The following PSD4 variants were observed in gnomAD, a reference collection of about 807,000 sequenced individuals.
PSD4 encodes PH and SEC7 domain-containing protein 4.
A neutral mutation model predicts 112.5 loss-of-function variants in PSD4; 59 were observed. The ratio of observed to expected loss-of-function variants is 0.52; its 90% CI spans 0.43 to 0.65. The LOEUF is 0.65. Ranked by LOEUF, PSD4 falls within the 30% of genes least tolerant of loss-of-function variation. The pLI, the probability that PSD4 is intolerant of heterozygous loss-of-function variation, is 0.00. For missense variants in PSD4, 1,267 were observed against 1,352.6 expected (o/e 0.94, Z 0.99); for synonymous variants, 533 against 540.0 (o/e 0.99, Z 0.18).
chr2:113,196,080 A>T, intron 11 of PSD4, 67 bp from the exon 12 acceptor site: 11 of 1,547,954 alleles, frequency 7.1e-6, no homozygotes, highest in East Asian at 2.3e-5. Context: ...AGGCTCTGGG[A>T]GGCAATGGAT....
chr2:113,192,680 C>T, intron 6 of PSD4, 91 bp downstream of exon 6: 1 of 1,316,822 alleles, frequency 7.6e-7, no homozygotes, highest in Middle Eastern at 2.1e-4. Flanking sequence ...CCCTCCCCTT[C>T]CCGTCCCTGC....
chr2:113,198,890 G>A lies in PSD4; in HGVS notation c.2769+6G>A, dbSNP rs767931687. On this transcript the variant is annotated splice_donor_region_variant and intron_variant, in intron 15 of 16. Coordinates refer to ENST00000245796, the MANE Select transcript of PSD4 (RefSeq NM_012455.3). The stretch of plus-strand genomic sequence containing the variant: ...GCCCCGCCCAGAGCTCCCTGGTACG[G>A]CCTCCGGGAAGGGGTGGGGTCCGGC... 12 of 1,576,900 alleles carry A rather than the reference G, an allele frequency of 7.6e-6. No individual in the cohort carries two copies. In the South Asian group the frequency reaches 1.2e-4, roughly 16 times the overall value.
At chr2:113,184,184 T>C (rs952519874) in intron 2 of PSD4, among the ~76,000 whole-genome samples, 15 of 152,112 alleles carry the variant, frequency 9.9e-5, no homozygotes, top group African/African-American at 3.1e-4. Context: ...TGGCTGTAAT[T>C]TTCTAATATC....
chr2:113,193,208 T>C, intron 7 of PSD4, 50 bp from the exon 8 acceptor site: 3 of 1,598,130 alleles, frequency 1.9e-6, no homozygotes, highest in Non-Finnish European at 1.7e-6. Flanking sequence ...TGGGATCTGA[T>C]TGGCCCTAAG....
intron 5 of PSD4, among the ~76,000 whole-genome samples, chr2:113,189,783 C>T (rs1688400405): frequency 6.6e-6 from 1 of 152,100 alleles, no homozygotes; most frequent in African/African-American, 2.4e-5. Flanking sequence ...AGCATTTTTT[C>T]ATATATTTGT....
chr2:113,202,649 A>G lies in PSD4; in HGVS notation c.*1234A>G, dbSNP rs1476790521. Reference sequence around the variant, plus strand: ...GGAGGCTGGGCCGGAGGGACCAGCCACCATTGTCTCTGTTCAGCCAAGTGT... The same window carrying G: ...GGAGGCTGGGCCGGAGGGACCAGCCGCCATTGTCTCTGTTCAGCCAAGTGT... On this transcript the variant is annotated 3_prime_UTR_variant, in exon 17 of 17. Transcript: ENST00000245796. 6.6e-6 allele frequency: 1 copy of G among 152,296 alleles called. No individual in the cohort carries two copies. Among genetic ancestry groups the G allele is most frequent in the Non-Finnish European group, 1.5e-5 (1 of 68,104 alleles). The allele number at this position is 152,296 out of a possible 1,614,324, so 9.4% of individuals were successfully genotyped here.
chr2:113,180,314 G>A (rs949536482), intron 1 of PSD4, among the ~76,000 whole-genome samples: 2 of 152,220 alleles, frequency 1.3e-5, no homozygotes, highest in African/African-American at 4.8e-5. Context: ...CCACTCAGTT[G>A]TATGTGGCAG....
chr2:113,182,461 T>C lies in PSD4; in HGVS notation c.5T>C (p.Met2Thr). ...TGGGCAGCTTTTGCTCAGTGGATGA[T>C]GGGTGACTACAGACTCCCTGACCAC... The part of the protein sequence containing the change: M[M>T]GDYRLPDHPQ... Residue 2 changes from methionine to threonine, a missense_variant, in exon 2 of 17, where the codon ATG (methionine) becomes ACG (threonine). By Grantham distance (81) the Met-to-Thr change is moderately conservative (BLOSUM62 -1). This residue lies in a region of PSD4 where 723 missense variants were observed against 704.0 expected (regional missense o/e 1.03). Coordinates refer to ENST00000245796, the MANE Select transcript of PSD4 (RefSeq NM_012455.3). 1 of 1,605,652 alleles carries C rather than the reference T, an allele frequency of 6.2e-7. No homozygotes were observed. Among genetic ancestry groups the C allele is most frequent in the Non-Finnish European group, 8.5e-7 (1 of 1,174,466 alleles).
At chr2:113,186,673 G>A (rs1296614507) in intron 5 of PSD4, among the ~76,000 whole-genome samples, 1 of 152,198 alleles carries the variant, frequency 6.6e-6, no homozygotes, top group Non-Finnish European at 1.5e-5. Context: ...TGAATTTGAG[G>A]AGGTATCTGG....
Position 113,192,504 on chromosome 2 carries a change from A to T in PSD4, c.1753A>T (p.Asn585Tyr). 2 of 1,614,234 alleles carry T rather than the reference A, an allele frequency of 1.2e-6. No homozygotes were observed. Among genetic ancestry groups the T allele is most frequent in the South Asian group, 1.1e-5 (1 of 91,088 alleles). The change falls in exon 6 of 17, where the codon AAC becomes TAC. Residue 585 changes from asparagine to tyrosine, a missense_variant. By Grantham distance (143) the Asn-to-Tyr change is moderately radical (BLOSUM62 -2). Transcript: ENST00000245796. Reference protein sequence around the residue: ...GDKLANGVRNNKVAWNLASRL... With the variant: ...GDKLANGVRNYKVAWNLASRL... ...CAAGCTAGCTAATGGCGTCAGGAAC[A>T]ACAAGGTAGCCTGGAACTTGGCCTC...
At chr2:113,191,654 A>T (rs1206130767) in intron 5 of PSD4, among the ~76,000 whole-genome samples, 2 of 152,218 alleles carry the variant, frequency 1.3e-5, no homozygotes, top group East Asian at 1.9e-4. Context: ...ATGTTTAAAT[A>T]ACTGGAATAC....
chr2:113,193,934 A>G lies in PSD4; in HGVS notation c.2167A>G (p.Lys723Glu). 1 of 1,614,126 alleles carries G rather than the reference A, an allele frequency of 6.2e-7. No homozygotes were observed. The highest frequency in any genetic ancestry group is 1.7e-5 in the Admixed American group (1 of 60,014). The change falls in exon 10 of 17, where the codon AAG becomes GAG. Residue 723 changes from lysine to glutamate, a missense_variant. By Grantham distance (56) the Lys-to-Glu change is moderately conservative. Around this residue, in one of 2 missense-constraint regions of PSD4, gnomAD observed 544 missense variants for 648.6 expected, o/e 0.84. Coordinates refer to ENST00000245796, the MANE Select transcript of PSD4 (RefSeq NM_012455.3). ...GCTGAGGGATGGCGGGAACTTCCCC[A>G]AGGAGCTGCTGAAGGTATGTGCCAC... is the stretch of plus-strand genomic sequence containing the variant. ...NGLRDGGNFP[K>E]ELLKALYWSI...
chr2:113,185,195 C>T, intron 3 of PSD4, 122 bp downstream of exon 3: 3 of 1,564,134 alleles, frequency 1.9e-6, no homozygotes, highest in Non-Finnish European at 2.6e-6. Context: ...CATCAGGACT[C>T]CCCTTCTGAA....
In PSD4 at chr2:113,207,350, G is replaced by A. The variant is rs983333928; in HGVS notation, c.*5935G>A. ...AGGAATGGATGATGGGGAGAAAACC[G>A]ACTAATATGCAGATGCCCTTTCCTC... On this transcript the variant is annotated 3_prime_UTR_variant, in exon 17 of 17. Transcript: ENST00000245796. 6.6e-6 allele frequency: 1 copy of A among 151,786 alleles called. No individual in the cohort carries two copies. The highest frequency in any genetic ancestry group is 1.5e-5 in the Non-Finnish European group (1 of 68,016). 9.4% of individuals were successfully genotyped at this position (151,786 alleles called of 1,614,324 possible).
intron 16 of PSD4, among the ~76,000 whole-genome samples, chr2:113,199,553 G>A (rs1160315542): frequency 6.6e-6 from 1 of 152,176 alleles, no homozygotes; most frequent in Non-Finnish European, 1.5e-5. Flanking sequence ...AGTATATTTG[G>A]CTTTTCCCAA....
At chr2:113,196,357 C>T in intron 12 of PSD4, 50 bp downstream of exon 12, 16 of 1,575,176 alleles carry the variant, frequency 1.0e-5, no homozygotes, top group Non-Finnish European at 1.3e-5. Context: ...AGCAGCCCTG[C>T]TCAGGGACCT....
intron 12 of PSD4, chr2:113,196,586 CTGCGAAAAAAATGTAGCAAG>C (rs1688621086): frequency 2.8e-6 from 1 of 350,924 alleles, no homozygotes; most frequent in Non-Finnish European, 5.2e-6. Context: ...GTGTCAATGT[CTGCGAAAAAAATGTAGCAAG>C]AGCTGAGTGT....
intron 1 of PSD4, among the ~76,000 whole-genome samples, chr2:113,181,289 T>A (rs1688131860): frequency 6.6e-6 from 1 of 151,264 alleles, no homozygotes; most frequent in Non-Finnish European, 1.5e-5. Context: ...AGGACCTGTG[T>A]ACTTGACCCT....
chr2:113,193,044 G>T lies in PSD4; in HGVS notation c.1839-4G>T. 1 of 1,613,738 alleles carries T rather than the reference G, an allele frequency of 6.2e-7. No homozygotes were observed. The highest frequency in any genetic ancestry group is 8.5e-7 in the Non-Finnish European group (1 of 1,179,638). The stretch of plus-strand genomic sequence containing the variant: ...CAGACTCCATGCCCCTTTTCCCTCT[G>T]CAGCAATGACTTTAGCAGGGCTGTG... On this transcript the variant is annotated splice_polypyrimidine_tract_variant and splice_region_variant and intron_variant, in intron 6 of 16. Coordinates refer to ENST00000245796, the MANE Select transcript of PSD4 (RefSeq NM_012455.3).
Sources: gnomAD v4.1 joint callset for allele counts (sites outside exome capture counted in the v4.1 genomes callset) on GRCh38, gnomAD v4.1.1 for gene constraint, gnomAD v4.1.1 regional missense constraint, MANE v1.5 for transcripts, NCBI Gene and HGNC (gene_info 2026-07-23, HGNC 2026-07-21) for gene names.